Variants in SPIDR observed in about 807,000 individuals in gnomAD.
The protein encoded by SPIDR is scaffold protein involved in DNA repair.
SPIDR carries 93 observed loss-of-function variants against 104.6 expected under a neutral mutation model. The ratio of observed to expected loss-of-function variants is 0.89; its 90% CI spans 0.75 to 1.06. The LOEUF (loss-of-function observed/expected upper bound fraction) is 1.06, where lower values mean the gene tolerates loss of function less well. Ranked by LOEUF, SPIDR falls within the 50% of genes least tolerant of loss-of-function variation. The pLI, the probability that SPIDR is intolerant of heterozygous loss-of-function variation, is 0.00. For synonymous variants in SPIDR, 431 were observed against 416.9 expected, an observed-to-expected ratio of 1.03 and a Z score of -0.41; for missense variants, 1,154 against 1,111.2, an observed-to-expected ratio of 1.04 and a Z score of -0.55.
chr8:47,509,919 C>T (rs540172240), intron 8 of SPIDR, among the ~76,000 whole-genome samples: 1 of 150,874 alleles, frequency 6.6e-6, no homozygotes, highest in South Asian at 2.1e-4. Flanking sequence ...CACACACATG[C>T]ACACACACAC....
chr8:47,612,884 T>C (rs989873747), intron 10 of SPIDR, among the ~76,000 whole-genome samples: 2 of 152,224 alleles, frequency 1.3e-5, no homozygotes, highest in Admixed American at 1.3e-4. Flanking sequence ...AGAGACTGTT[T>C]CCAGTCACTG....
At chr8:47,400,675 T>G (rs1398824454) in intron 6 of SPIDR, among the ~76,000 whole-genome samples, 2 of 116,904 alleles carry the variant, frequency 1.7e-5, no homozygotes, top group Non-Finnish European at 3.9e-5. Flanking sequence ...TTTTCTTTCT[T>G]TCTTTTTTTT....
intron 5 of SPIDR, among the ~76,000 whole-genome samples, chr8:47,310,494 A>G (rs1005090138): frequency 9.2e-5 from 14 of 152,332 alleles, no homozygotes; most frequent in Admixed American, 6.5e-4. Flanking sequence ...AAATATAAAA[A>G]AAGTATGTGA....
intron 7 of SPIDR, among the ~76,000 whole-genome samples, chr8:47,415,768 C>G (rs1200680009): frequency 2.0e-5 from 3 of 152,186 alleles, no homozygotes; most frequent in Non-Finnish European, 4.4e-5. Context: ...AGCCACACAG[C>G]TCTGGTTTTT....
chr8:47,337,750 T>A (rs2050039756), intron 5 of SPIDR, among the ~76,000 whole-genome samples: 1 of 152,144 alleles, frequency 6.6e-6, no homozygotes, highest in Non-Finnish European at 1.5e-5. Context: ...TTGAATTAAC[T>A]TTTTTGGTAG....
At chr8:47,618,666 T>TG (rs2064695511) in intron 10 of SPIDR, among the ~76,000 whole-genome samples, 1 of 152,188 alleles carries the variant, frequency 6.6e-6, no homozygotes, top group Admixed American at 6.6e-5. Flanking sequence ...ATTAAAATAG[T>TG]TTGTGTGTGT....
At position 47,735,502 on chromosome 8, in the gene SPIDR, GGT is replaced by G; in HGVS notation, c.*54_*55del. 1 of 1,613,354 alleles carries G rather than the reference GGT, an allele frequency of 6.2e-7. No individual in the cohort carries two copies. Among genetic ancestry groups the G allele is most frequent in the South Asian group, 1.1e-5 (1 of 91,046 alleles). On this transcript the variant is annotated 3_prime_UTR_variant, in exon 20 of 20. Coordinates refer to ENST00000297423, the MANE Select transcript of SPIDR (RefSeq NM_001080394.4). ...GCAATGTGGCTGCAAGGGTGGTGGT[GGT>G]GGTGGTGATTTGGGGTAGTTATTTG...
At chr8:47,407,346 G>A (rs1456786118) in intron 6 of SPIDR, among the ~76,000 whole-genome samples, 1 of 152,186 alleles carries the variant, frequency 6.6e-6, no homozygotes, top group Non-Finnish European at 1.5e-5. Context: ...TTATTTGAGT[G>A]TTCTATCAAC....
chr8:47,478,035 G>A (rs1432378010), intron 8 of SPIDR, among the ~76,000 whole-genome samples: 1 of 152,212 alleles, frequency 6.6e-6, no homozygotes, highest in Non-Finnish European at 1.5e-5. Flanking sequence ...TGAAGCTAGA[G>A]TTGAAGGTTG....
At chr8:47,680,593 G>A (rs2154475187) in intron 11 of SPIDR, among the ~76,000 whole-genome samples, 1 of 152,300 alleles carries the variant, frequency 6.6e-6, no homozygotes, top group South Asian at 2.1e-4. Context: ...AACTTCAATA[G>A]TAATTTACTT....
At chr8:47,350,959 C>G (rs1332569150) in intron 5 of SPIDR, among the ~76,000 whole-genome samples, 1 of 152,150 alleles carries the variant, frequency 6.6e-6, no homozygotes, top group Non-Finnish European at 1.5e-5. Flanking sequence ...TCTTGTCACC[C>G]CATTCTGTCT....
intron 10 of SPIDR, among the ~76,000 whole-genome samples, chr8:47,663,653 T>C (rs2074450775): frequency 6.6e-6 from 1 of 152,228 alleles, no homozygotes; most frequent in South Asian, 2.1e-4. Flanking sequence ...TTTCTTGTGT[T>C]CAAGCAAATC....
chr8:47,405,336 G>A (rs578088435), intron 6 of SPIDR, among the ~76,000 whole-genome samples: 3 of 151,816 alleles, frequency 2.0e-5, no homozygotes, highest in Admixed American at 6.6e-5. Context: ...ATATGTGTGT[G>A]TGTATATATA....
intron 8 of SPIDR, among the ~76,000 whole-genome samples, chr8:47,472,559 T>C: frequency 6.6e-6 from 1 of 152,226 alleles, no homozygotes; most frequent in East Asian, 1.9e-4. Context: ...ACATGTAGTG[T>C]AAACTAAGTG....
chr8:47,548,323 A>T (rs1414465543), intron 8 of SPIDR, among the ~76,000 whole-genome samples: 2 of 152,236 alleles, frequency 1.3e-5, no homozygotes, highest in Non-Finnish European at 2.9e-5. Flanking sequence ...AGGGAAGAAA[A>T]TAGAATAAAT....
intron 8 of SPIDR, among the ~76,000 whole-genome samples, chr8:47,537,992 C>A (rs889664237): frequency 6.6e-6 from 1 of 151,620 alleles, no homozygotes; most frequent in Non-Finnish European, 1.5e-5. Context: ...GCCTGGAAAA[C>A]GGTGAAACCC....
intron 15 of SPIDR, 36 bp downstream of exon 15, chr8:47,712,908 G>T (rs1183566536): frequency 1.2e-6 from 2 of 1,611,872 alleles, no homozygotes; most frequent in South Asian, 2.2e-5. Flanking sequence ...ATGCAGGGGC[G>T]ACTGATCCGT....
At chr8:47,538,124 G>A (rs1221265005) in intron 8 of SPIDR, among the ~76,000 whole-genome samples, 1 of 152,132 alleles carries the variant, frequency 6.6e-6, no homozygotes, top group Admixed American at 6.6e-5. Context: ...GCAGTGAGCC[G>A]GGATCGTGCC....
chr8:47,418,391 T>C (rs1348137527), intron 7 of SPIDR, among the ~76,000 whole-genome samples: 2 of 152,170 alleles, frequency 1.3e-5, no homozygotes, highest in African/African-American at 4.8e-5. Flanking sequence ...AGCAATTGTG[T>C]ATGGGAATTC....
Sources: allele counts gnomAD v4.1 joint callset (sites outside exome capture counted in the v4.1 genomes callset), GRCh38; gene constraint gnomAD v4.1.1; transcripts MANE v1.5; gene names NCBI Gene and HGNC (gene_info 2026-07-23, HGNC 2026-07-21).